The following CNTLN variants were observed in gnomAD, a reference collection of about 807,000 sequenced individuals.
The protein encoded by CNTLN is centlein.
CNTLN carries 212 observed loss-of-function variants against 180.0 expected under a neutral mutation model. That is an observed-to-expected ratio of 1.18 (90% confidence interval 1.05 to 1.32). CNTLN has a LOEUF of 1.32. CNTLN is among the 40% of genes most tolerant of loss of function. The pLI is 0.00. For missense variants in CNTLN, 2,095 were observed against 1,610.9 expected, an observed-to-expected ratio of 1.30 and a Z score of -5.14; for synonymous variants, 722 against 563.1, an observed-to-expected ratio of 1.28 and a Z score of -3.99.
chr9:17,525,404 G>A, the CNTLN span, among the ~76,000 whole-genome samples: 4 of 152,102 alleles, frequency 2.6e-5, no homozygotes, highest in Non-Finnish European at 5.9e-5. Context: ...CTATGAGATA[G>A]AAAAGATTTT....
chr9:17,375,903 T>G (rs1824719976), intron 13 of CNTLN, among the ~76,000 whole-genome samples: 1 of 152,180 alleles, frequency 6.6e-6, no homozygotes, highest in African/African-American at 2.4e-5. Flanking sequence ...TTAGAAAAAT[T>G]AAAGATTGAT....
intron 2 of CNTLN, among the ~76,000 whole-genome samples, chr9:17,221,433 A>G (rs572768939): frequency 9.2e-5 from 14 of 152,112 alleles, no homozygotes; most frequent in Non-Finnish European, 2.1e-4. Flanking sequence ...AGTTGTACAT[A>G]ATGGATTGCA....
At position 17,394,619 on chromosome 9, in the gene CNTLN, A is replaced by G. The variant is rs1173408218; in HGVS notation, c.2165A>G (p.Asn722Ser). 6.2e-7 allele frequency: 1 copy of G among 1,602,260 alleles called. No individual in the cohort carries two copies. Among genetic ancestry groups the G allele is most frequent in the Non-Finnish European group, 8.5e-7 (1 of 1,177,114 alleles). Residue 722 changes from asparagine to serine, a missense_variant, in exon 15 of 26, where the codon AAT (asparagine) becomes AGT (serine). By Grantham distance (46) the Asn-to-Ser change is conservative. Transcript: ENST00000380647. ...GGGAATAAAAAATTAATGAAAGAAA[A>G]TGATTTTCTGAAATCCCTCTTAAAA... ...KEGNKKLMKE[N>S]DFLKSLLKQQ...
intron 2 of CNTLN, among the ~76,000 whole-genome samples, chr9:17,210,887 C>A (rs1242321379): frequency 1.3e-5 from 2 of 152,080 alleles, no homozygotes; most frequent in Non-Finnish European, 2.9e-5. Flanking sequence ...CCTTTGCCCA[C>A]TTTTTGATGG....
chr9:17,468,700 G>A (rs1831889645), intron 23 of CNTLN, among the ~76,000 whole-genome samples: 1 of 151,590 alleles, frequency 6.6e-6, no homozygotes, highest in African/African-American at 2.4e-5. Flanking sequence ...TATACTTGAA[G>A]TTTCATGACT....
rs188596499 is a variant in CNTLN, at chr9:17,249,373, G to A, written c.849+12785G>A. 9.0e-3 allele frequency among the ~76,000 whole-genome samples: 1,143 copies of A among 127,228 alleles called. 8 individuals are homozygous for A. The highest frequency in any genetic ancestry group is 0.017 in the Middle Eastern group (3 of 176). The allele number at this position is 127,228 out of a possible 152,430, so 83.5% of individuals were successfully genotyped here. On this transcript the variant is annotated intron_variant, in intron 5 of 25. Transcript: ENST00000380647. ...TTTTTTGTTTTTTTTTTTTGAGCTGGAGTCTCGCTCTATCACCCAGGCTGG... is the reference window on the plus strand; with the variant it reads ...TTTTTTGTTTTTTTTTTTTGAGCTGAAGTCTCGCTCTATCACCCAGGCTGG...
chr9:17,470,367 A>G (rs1170151730), intron 23 of CNTLN, among the ~76,000 whole-genome samples: 1 of 151,976 alleles, frequency 6.6e-6, no homozygotes, highest in Admixed American at 6.6e-5. Context: ...CATTCTATGC[A>G]GAGCTTATTA....
chr9:17,379,903 A>T (rs1424173009), intron 13 of CNTLN, among the ~76,000 whole-genome samples: 2 of 152,180 alleles, frequency 1.3e-5, no homozygotes, highest in African/African-American at 4.8e-5. Flanking sequence ...CTACCATGCT[A>T]AATTTCTCTT....
intron 18 of CNTLN, among the ~76,000 whole-genome samples, chr9:17,427,784 C>T (rs559314932): frequency 1.3e-5 from 2 of 152,280 alleles, no homozygotes; most frequent in Admixed American, 1.3e-4. Flanking sequence ...TGGATTATCA[C>T]ATCTGTACCA....
At chr9:17,415,917 A>T (rs1431141674) in intron 17 of CNTLN, 36 bp downstream of exon 17, 6 of 1,587,740 alleles carry the variant, frequency 3.8e-6, no homozygotes, top group Non-Finnish European at 5.2e-6. Flanking sequence ...TATGTCTTTT[A>T]CAATTTAAAT....
At chr9:17,441,770 A>T (rs920949491) in intron 18 of CNTLN, among the ~76,000 whole-genome samples, 1 of 152,162 alleles carries the variant, frequency 6.6e-6, no homozygotes, top group Non-Finnish European at 1.5e-5. Context: ...AATGGATTAA[A>T]AAAACAGAAT....
chr9:17,502,405 G>A (rs1833797527), intron 25 of CNTLN, 146 bp from the exon 26 acceptor site: 1 of 437,866 alleles, frequency 2.3e-6, no homozygotes, highest in East Asian at 3.9e-5. Flanking sequence ...TAACCAGCAA[G>A]ATCAGTAGAA....
chr9:17,334,819 C>G (rs1024139136), intron 10 of CNTLN, among the ~76,000 whole-genome samples: 2 of 150,636 alleles, frequency 1.3e-5, no homozygotes, highest in African/African-American at 2.4e-5. Flanking sequence ...TGTTCACTAT[C>G]TGGGTGATGG....
In CNTLN at chr9:17,473,084, C is replaced by G. The variant is rs74997160; in HGVS notation, c.3855+6193C>G. ...CTTTATTTTGAATCTCTGCCTACTT[C>G]CCACCTGAACCCAAGGAAGTGAATG... is the stretch of plus-strand genomic sequence containing the variant. On this transcript the variant is annotated intron_variant, in intron 23 of 25. Coordinates refer to ENST00000380647, the MANE Select transcript of CNTLN (RefSeq NM_017738.4). 5.6e-3 allele frequency among the ~76,000 whole-genome samples: 846 copies of G among 152,248 alleles called. 10 individuals are homozygous for G. Among genetic ancestry groups the G allele is most frequent in the African/African-American group, 0.019 (783 of 41,556 alleles).
chr9:17,351,875 T>A lies in CNTLN; in HGVS notation c.1886+9431T>A, dbSNP rs756381399. Reference sequence around the variant, plus strand: ...GTTCATTATATAACACACTTGAATATCAGCTCCCCCCTTTTATTTTTTTAC... The same window carrying A: ...GTTCATTATATAACACACTTGAATAACAGCTCCCCCCTTTTATTTTTTTAC... On this transcript the variant is annotated intron_variant, in intron 12 of 25. Coordinates refer to ENST00000380647, the MANE Select transcript of CNTLN (RefSeq NM_017738.4). 1.5e-4 allele frequency among the ~76,000 whole-genome samples: 23 copies of A among 152,208 alleles called. 1 individual carries two copies. Among genetic ancestry groups the A allele is most frequent in the Non-Finnish European group, 1.5e-5 (1 of 68,036 alleles).
chr9:17,264,083 A>G (rs1827217430), intron 5 of CNTLN, among the ~76,000 whole-genome samples: 1 of 144,370 alleles, frequency 6.9e-6, no homozygotes, highest in Admixed American at 6.8e-5. Context: ...TTTCGTTGCC[A>G]TTGCTTTTGT....
intron 18 of CNTLN, among the ~76,000 whole-genome samples, chr9:17,430,314 G>A (rs1466688751): frequency 6.6e-6 from 1 of 151,800 alleles, no homozygotes; most frequent in Non-Finnish European, 1.5e-5. Context: ...TCACCCATTA[G>A]TAATTAATAT....
chr9:17,477,957 A>G (rs1358535732), intron 23 of CNTLN, among the ~76,000 whole-genome samples: 2 of 152,164 alleles, frequency 1.3e-5, no homozygotes, highest in Non-Finnish European at 2.9e-5. Flanking sequence ...ATCAATTAAT[A>G]TGGCAAGTTT....
chr9:17,374,764 G>A (rs1824611854), intron 13 of CNTLN, among the ~76,000 whole-genome samples: 1 of 151,872 alleles, frequency 6.6e-6, no homozygotes, highest in Non-Finnish European at 1.5e-5. Flanking sequence ...GGGAGGCTGA[G>A]ACAAGAGAAT....
Sources: allele counts gnomAD v4.1 joint callset (sites outside exome capture counted in the v4.1 genomes callset), GRCh38; gene constraint gnomAD v4.1.1; transcripts MANE v1.5; gene names NCBI Gene and HGNC (gene_info 2026-07-23, HGNC 2026-07-21).